Variants in SLAMF8 observed in about 807,000 individuals in gnomAD.
The protein encoded by SLAMF8 is B lymphocyte activator macrophage expressed.
SLAMF8 carries 23 observed loss-of-function variants against 29.0 expected under a neutral mutation model. That is an observed-to-expected ratio of 0.79 (90% CI 0.57 to 1.13). The LOEUF (loss-of-function observed/expected upper bound fraction) is 1.13. Among genes scored for constraint, SLAMF8 ranks in the 50% most tolerant of loss-of-function variants. The pLI, the probability that SLAMF8 is intolerant of heterozygous loss-of-function variation, is 0.00. For missense variants in SLAMF8, 381 were observed against 353.1 expected (o/e 1.08, Z -0.63); for synonymous variants, 139 against 145.6 (o/e 0.96, Z 0.32).
chr1:159,836,441 C>T lies in SLAMF8; in HGVS notation c.*1181C>T. 1.0e-6 allele frequency: 1 copy of T among 985,460 alleles called. No homozygotes were observed. The highest frequency in any genetic ancestry group is 1.2e-6 in the Non-Finnish European group (1 of 829,932). The allele number at this position is 985,460 out of a possible 1,614,324, so 61.0% of individuals were successfully genotyped here. The stretch of plus-strand genomic sequence containing the variant: ...AGTATTGATCACTACTGGAAAAACA[C>T]TTAAGGAGCTAAACTTACCTTCGGG... On this transcript the variant is annotated 3_prime_UTR_variant, in exon 5 of 5. Coordinates refer to ENST00000289707, the MANE Select transcript of SLAMF8 (RefSeq NM_020125.3).
At chr1:159,834,015 G>T (rs1465512500) in intron 4 of SLAMF8, among the ~76,000 whole-genome samples, 1 of 152,282 alleles carries the variant, frequency 6.6e-6, no homozygotes, top group African/African-American at 2.4e-5. Context: ...GTGGCTGATA[G>T]GGTTGCCTTC....
chr1:159,829,459 TC>T (rs1647311940), intron 1 of SLAMF8, among the ~76,000 whole-genome samples: 7 of 152,088 alleles, frequency 4.6e-5, no homozygotes, highest in Admixed American at 4.6e-4. Context: ...CGGTGACACT[TC>T]CCTATCCTGC....
Position 159,835,415 on chromosome 1 carries a change from C to T in SLAMF8, c.*155C>T. ...GAAGGAGCAGCCTGGGCAGCCATCA[C>T]ACCACGAGGACAGGAAGCACCAGCA... On this transcript the variant is annotated 3_prime_UTR_variant, in exon 5 of 5. Transcript: ENST00000289707. 1 of 1,409,846 alleles carries T rather than the reference C, an allele frequency of 7.1e-7. No homozygotes were observed. Among genetic ancestry groups the T allele is most frequent in the Non-Finnish European group, 9.2e-7 (1 of 1,083,012 alleles). 87.3% of individuals were successfully genotyped at this position (1,409,846 alleles called of 1,614,324 possible).
At chr1:159,830,756 A>G (rs923827132) in intron 2 of SLAMF8, among the ~76,000 whole-genome samples, 2 of 152,248 alleles carry the variant, frequency 1.3e-5, no homozygotes, top group Non-Finnish European at 2.9e-5. Flanking sequence ...CTGTAATTAA[A>G]AGTATAGAAT....
intron 1 of SLAMF8, among the ~76,000 whole-genome samples, chr1:159,828,798 G>A (rs960829374): frequency 6.6e-6 from 1 of 152,108 alleles, no homozygotes; most frequent in Non-Finnish European, 1.5e-5. Flanking sequence ...GGTCGGAGGA[G>A]GCAGTGATGC....
Position 159,831,819 on chromosome 1 carries a change from G to T in SLAMF8, c.368-1057G>T, listed in dbSNP as rs3806190. ...AGATCAGTTACTAGAAATGTCAATG[G>T]GTGTTTCTACTGTGCTTGATCGTGT... is the stretch of plus-strand genomic sequence containing the variant. On this transcript the variant is annotated intron_variant, in intron 2 of 4. Coordinates refer to ENST00000289707, the MANE Select transcript of SLAMF8 (RefSeq NM_020125.3). Among the ~76,000 whole-genome samples, 175 of 152,298 alleles carry T rather than the reference G, an allele frequency of 1.1e-3. 2 individuals carry two copies. In the East Asian group the frequency reaches 0.027, roughly 23 times the overall value.
In SLAMF8 at chr1:159,836,766, CT is replaced by C; in HGVS notation, c.*1507del. On this transcript the variant is annotated 3_prime_UTR_variant, in exon 5 of 5. Transcript: ENST00000289707. The stretch of plus-strand genomic sequence containing the variant: ...CCACTCGATTGTTCCCAGATCCTCC[CT>C]GCCTGGCCTGCTCAGAGGTTCCCTG... 1 of 985,610 alleles carries C rather than the reference CT, an allele frequency of 1.0e-6. No homozygotes were observed. The highest frequency in any genetic ancestry group is 1.7e-5 in the African/African-American group (1 of 57,350). The allele number at this position is 985,610 out of a possible 1,614,324, so 61.1% of individuals were successfully genotyped here.
Position 159,833,125 on chromosome 1 carries a change from C to G in SLAMF8, c.617C>G (p.Pro206Arg), listed in dbSNP as rs1349165051. The change falls in exon 3 of 5, where the codon CCT (proline) becomes CGT (arginine). Residue 206 changes from proline (P) to arginine (R), a missense_variant. Pro to Arg is a moderately radical substitution (Grantham distance 103). Coordinates refer to ENST00000289707, the MANE Select transcript of SLAMF8 (RefSeq NM_020125.3). ...DVAYSCIVSNPVSWDLATVTP... is the reference protein window; with the variant it reads ...DVAYSCIVSNRVSWDLATVTP... ...GCCTATTCCTGCATTGTCTCCAACC[C>G]TGTCAGCTGGGACTTGGCCACAGTC... 3.1e-6 allele frequency: 5 copies of G among 1,614,090 alleles called. No individual in the cohort carries two copies. The East Asian group carries it at 8.9e-5, about 29-fold the overall frequency.
Position 159,831,039 on chromosome 1 carries a change from C to T in SLAMF8, c.367+847C>T, listed in dbSNP as rs1159495512. On this transcript the variant is annotated intron_variant, in intron 2 of 4. Coordinates refer to ENST00000289707, the MANE Select transcript of SLAMF8 (RefSeq NM_020125.3). ...CTGCGTGGGCCTTGTTTCCCAACAACTCCACCTCCACCTCCACCACAGCCA... is the reference window on the plus strand; with the variant it reads ...CTGCGTGGGCCTTGTTTCCCAACAATTCCACCTCCACCTCCACCACAGCCA... 2.6e-5 allele frequency among the ~76,000 whole-genome samples: 4 copies of T among 152,194 alleles called. No individual in the cohort carries two copies. The South Asian group carries it at 6.2e-4, about 24-fold the overall frequency.
At chr1:159,828,872 C>T (rs1647256406) in intron 1 of SLAMF8, among the ~76,000 whole-genome samples, 1 of 152,108 alleles carries the variant, frequency 6.6e-6, no homozygotes, top group African/African-American at 2.4e-5. Context: ...AGAAGCGTCT[C>T]CCATACACGT....
At chr1:159,832,780 G>T in intron 2 of SLAMF8, 96 bp from the exon 3 acceptor site, 1 of 1,376,122 alleles carries the variant, frequency 7.3e-7, no homozygotes, top group Non-Finnish European at 1.0e-6. Flanking sequence ...GGCCTAGCCA[G>T]AGGTGGCATC....
chr1:159,832,776 G>A, intron 2 of SLAMF8, 100 bp from the exon 3 acceptor site: 10 of 1,341,960 alleles, frequency 7.5e-6, no homozygotes, highest in Non-Finnish European at 1.0e-5. Flanking sequence ...GAGAGGCCTA[G>A]CCAGAGGTGG....
In SLAMF8 at chr1:159,835,319, C is replaced by G; in HGVS notation, c.*59C>G. 6.3e-7 allele frequency: 1 copy of G among 1,578,364 alleles called. No homozygotes were observed. ...AACCCCACTGCACAGGCACACGATG[C>G]TCTGGGACATAACTGGTGCCTGGAA... On this transcript the variant is annotated 3_prime_UTR_variant, in exon 5 of 5. Transcript: ENST00000289707.
chr1:159,827,012 G>A, intron 1 of SLAMF8, 74 bp downstream of exon 1: 2 of 1,584,690 alleles, frequency 1.3e-6, no homozygotes, highest in Non-Finnish European at 1.7e-6. Context: ...CCAGACGTCT[G>A]GGCAGGGATC....
Position 159,837,062 on chromosome 1 carries a change from AC to A in SLAMF8, c.*1804del. On this transcript the variant is annotated 3_prime_UTR_variant, in exon 5 of 5. Transcript: ENST00000289707. ...GGGGAAAAAATACACAGCACTCCCC[AC>A]CTTTCTTTCGTTCATCTCCAGGGCC... 1 of 985,176 alleles carries A rather than the reference AC, an allele frequency of 1.0e-6. No homozygotes were observed. Among genetic ancestry groups the A allele is most frequent in the Non-Finnish European group, 1.2e-6 (1 of 829,870 alleles). The allele number at this position is 985,176 out of a possible 1,614,324, so 61.0% of individuals were successfully genotyped here.
intron 2 of SLAMF8, among the ~76,000 whole-genome samples, chr1:159,831,781 G>T (rs568412701): frequency 6.6e-6 from 1 of 152,334 alleles, no homozygotes; most frequent in African/African-American, 2.4e-5. Flanking sequence ...AGATAAGAAC[G>T]ATTTGAATTA....
At chr1:159,834,201 A>G (rs1451570221) in intron 4 of SLAMF8, among the ~76,000 whole-genome samples, 2 of 152,170 alleles carry the variant, frequency 1.3e-5, no homozygotes, top group African/African-American at 4.8e-5. Flanking sequence ...CCCAAGGTGG[A>G]GAAAGGGAGT....
chr1:159,835,696 T>C lies in SLAMF8; in HGVS notation c.*436T>C, dbSNP rs1011452152. On this transcript the variant is annotated 3_prime_UTR_variant, in exon 5 of 5. Transcript: ENST00000289707. ...TACATATTTGAACTAATAGAGGAACTCTGAGTCACCCATGCCAGCATCAGC... is the reference window on the plus strand; with the variant it reads ...TACATATTTGAACTAATAGAGGAACCCTGAGTCACCCATGCCAGCATCAGC... 5.1e-6 allele frequency: 5 copies of C among 987,646 alleles called. No homozygotes were observed. In the African/African-American group the frequency reaches 7.0e-5, roughly 14 times the overall value. The allele number at this position is 987,646 out of a possible 1,614,324, so 61.2% of individuals were successfully genotyped here. A position where few individuals can be genotyped will look rare whatever the true frequency, so the allele number is the denominator to read the frequency against.
rs746046809 is a variant in SLAMF8, at chr1:159,830,161, C to T, written c.336C>T (p.Pro112=). 1.4e-5 allele frequency: 23 copies of T among 1,610,776 alleles called. No individual in the cohort carries two copies. The highest frequency in any genetic ancestry group is 1.9e-5 in the Non-Finnish European group (22 of 1,177,780). Residue 112 remains proline, a synonymous_variant, in exon 2 of 5, where the codon CCC becomes CCT. Transcript: ENST00000289707. ...SVLMVDTRGQ[P]WTQTLQLKVY... ...TGATGGTGGACACAAGGGGCCAGCC[C>T]TGGACCCAGACCCTCCAGCTCAAGG...
Sources: allele counts gnomAD v4.1 joint callset (sites outside exome capture counted in the v4.1 genomes callset), GRCh38; gene constraint gnomAD v4.1.1; transcripts MANE v1.5; gene names NCBI Gene and HGNC (gene_info 2026-07-23, HGNC 2026-07-21).